Variants in CTNNA2 observed in about 807,000 individuals in gnomAD.
CTNNA2 encodes catenin alpha 2.
CTNNA2 carries 42 observed loss-of-function variants against 101.0 expected under a neutral mutation model. The observed-to-expected ratio is 0.42, with a 90% CI of 0.32 to 0.54. CTNNA2 has a LOEUF of 0.54. CTNNA2 is among the 20% of genes least tolerant of loss of function. The probability of loss-of-function intolerance (pLI) is 0.14; values close to 1 mark genes in which losing one functional copy is unlikely to be tolerated. For missense variants in CTNNA2, 871 were observed against 1,223.1 expected (o/e 0.71, Z 4.29); for synonymous variants, 450 against 456.4 (o/e 0.99, Z 0.18).
At chr2:79,453,584 C>A (rs2104528903) in intron 4 of CTNNA2, among the ~76,000 whole-genome samples, 1 of 152,216 alleles carries the variant, frequency 6.6e-6, no homozygotes, top group Admixed American at 6.5e-5. Flanking sequence ...GTATGGTTGG[C>A]TCTCCATAAG....
intron 17 of CTNNA2, among the ~76,000 whole-genome samples, chr2:80,614,069 G>A (rs1698664435): frequency 1.3e-5 from 2 of 151,454 alleles, no homozygotes. Flanking sequence ...GTAAATAATT[G>A]ACAACTTAAT....
intron 1 of CTNNA2, among the ~76,000 whole-genome samples, chr2:79,586,171 G>A (rs983967098): frequency 2.0e-5 from 3 of 152,010 alleles, no homozygotes; most frequent in African/African-American, 4.8e-5. Context: ...CTGAACACTC[G>A]TAGGCCTCAG....
intron 3 of CTNNA2, among the ~76,000 whole-genome samples, chr2:79,856,156 G>A (rs1681120533): frequency 6.6e-6 from 1 of 152,168 alleles, no homozygotes; most frequent in South Asian, 2.1e-4. Context: ...TAGGCAAAAA[G>A]GCTAAGCTGG....
At chr2:79,632,675 A>T (rs1374709678) in intron 1 of CTNNA2, among the ~76,000 whole-genome samples, 2 of 152,196 alleles carry the variant, frequency 1.3e-5, no homozygotes, top group Non-Finnish European at 2.9e-5. Flanking sequence ...ATCCGTTGTT[A>T]TGTGGGACTT....
At chr2:79,286,235 G>A (rs1435332661) in intron 2 of CTNNA2, among the ~76,000 whole-genome samples, 2 of 152,056 alleles carry the variant, frequency 1.3e-5, no homozygotes, top group Non-Finnish European at 2.9e-5. Flanking sequence ...CTTTTAATTG[G>A]AGCATTTAGT....
At chr2:80,173,762 A>G (rs533259776) in intron 7 of CTNNA2, among the ~76,000 whole-genome samples, 5 of 152,270 alleles carry the variant, frequency 3.3e-5, no homozygotes, top group African/African-American at 1.2e-4. Context: ...CGTCTGCATC[A>G]GGAGGTCTGC....
At position 80,102,875 on chromosome 2, in the gene CTNNA2, C is replaced by G. The variant is rs187601444; in HGVS notation, c.1056+193078C>G. 2.6e-5 allele frequency among the ~76,000 whole-genome samples: 4 copies of G among 152,226 alleles called. No homozygotes were observed. The East Asian group carries it at 7.7e-4, about 29-fold the overall frequency. ...AGGGACGATGGGATAAAAGGGTGAT[C>G]GTGACGTAGGCCCTTCCACAGACTG... On this transcript the variant is annotated intron_variant, in intron 7 of 18. Transcript: ENST00000402739.
intron 9 of CTNNA2, among the ~76,000 whole-genome samples, chr2:80,455,690 G>A (rs1343947644): frequency 6.6e-6 from 1 of 152,204 alleles, no homozygotes; most frequent in Non-Finnish European, 1.5e-5. Context: ...AGATGGTGGT[G>A]ACTAATGTGT....
chr2:79,958,364 G>C (rs1689389370), intron 7 of CTNNA2, among the ~76,000 whole-genome samples: 1 of 152,150 alleles, frequency 6.6e-6, no homozygotes, highest in Non-Finnish European at 1.5e-5. Context: ...ATGTAATTTA[G>C]TTAAGGATCT....
chr2:79,715,484 A>T (rs1316587982), intron 2 of CTNNA2, among the ~76,000 whole-genome samples: 1 of 152,188 alleles, frequency 6.6e-6, no homozygotes, highest in Non-Finnish European at 1.5e-5. Context: ...CAGATTTAAG[A>T]TGACAAAAGC....
At chr2:80,557,929 T>G (rs1693187887) in intron 12 of CTNNA2, among the ~76,000 whole-genome samples, 1 of 152,156 alleles carries the variant, frequency 6.6e-6, no homozygotes, top group Non-Finnish European at 1.5e-5. Context: ...TGTTCTGAGT[T>G]TTTACAATTT....
intron 1 of CTNNA2, among the ~76,000 whole-genome samples, chr2:79,592,122 C>T (rs1008025077): frequency 8.8e-5 from 5 of 56,736 alleles, no homozygotes; most frequent in African/African-American, 1.9e-4. Flanking sequence ...CTTCTTTTTG[C>T]TTTTTTTTTT....
intron 2 of CTNNA2, among the ~76,000 whole-genome samples, chr2:79,296,431 G>T (rs141634245): frequency 1.3e-5 from 2 of 152,132 alleles, no homozygotes; most frequent in Admixed American, 6.6e-5. Flanking sequence ...GGGATAGTAG[G>T]AGTTGAATAT....
intron 1 of CTNNA2, among the ~76,000 whole-genome samples, chr2:79,571,505 C>G (rs370142989): frequency 6.6e-6 from 1 of 152,144 alleles, no homozygotes; most frequent in Non-Finnish European, 1.5e-5. Context: ...GTCTTTTCAG[C>G]TTTTAAACTG....
At chr2:79,856,706 T>C (rs1163395080) in intron 3 of CTNNA2, among the ~76,000 whole-genome samples, 1 of 152,202 alleles carries the variant, frequency 6.6e-6, no homozygotes, top group African/African-American at 2.4e-5. Flanking sequence ...TGCAAATATA[T>C]ACCTGACTCT....
intron 3 of CTNNA2, among the ~76,000 whole-genome samples, chr2:79,847,650 G>T (rs1680345922): frequency 6.8e-6 from 1 of 146,848 alleles, no homozygotes. Flanking sequence ...TTTTGCATCT[G>T]TTAAAATTTC....
At chr2:79,280,792 A>G (rs919723647) in intron 2 of CTNNA2, among the ~76,000 whole-genome samples, 6 of 151,956 alleles carry the variant, frequency 3.9e-5, no homozygotes, top group Admixed American at 2.0e-4. Context: ...TGGCTAGAAC[A>G]TGCTGTGACT....
At chr2:79,319,013 G>T (rs1306161792) in intron 3 of CTNNA2, among the ~76,000 whole-genome samples, 1 of 152,136 alleles carries the variant, frequency 6.6e-6, no homozygotes, top group Admixed American at 6.6e-5. Context: ...TGACGGCTGA[G>T]GCTAGTACTA....
chr2:80,545,766 G>T, intron 10 of CTNNA2, 141 bp from the exon 11 acceptor site: 1 of 689,528 alleles, frequency 1.5e-6, no homozygotes, highest in African/African-American at 1.8e-5. Context: ...TCTTTTATGT[G>T]TTTGATTGTC....
Sources: allele counts gnomAD v4.1 joint callset (sites outside exome capture counted in the v4.1 genomes callset), GRCh38; gene constraint gnomAD v4.1.1; transcripts MANE v1.5; gene names NCBI Gene and HGNC (gene_info 2026-07-23, HGNC 2026-07-21).